SPTBN1: variants seen among roughly 807,000 people sequenced by gnomAD.
SPTBN1 encodes spectrin beta chain, non-erythrocytic 1.
A neutral mutation model predicts 266.4 loss-of-function variants in SPTBN1; 32 were observed. That is an observed-to-expected ratio of 0.12 (90% CI 0.09 to 0.16). The LOEUF (loss-of-function observed/expected upper bound fraction) is 0.16. SPTBN1 is among the 10% of genes least tolerant of loss of function. The pLI, the probability that SPTBN1 is intolerant of heterozygous loss-of-function variation, is 1.00. For missense variants in SPTBN1, 2,296 were observed against 3,067.1 expected, an observed-to-expected ratio of 0.75 and a Z score of 5.94; for synonymous variants, 1,336 against 1,162.2, an observed-to-expected ratio of 1.15 and a Z score of -3.04.
At chr2:54,663,205 C>G (rs1681167304) in intron 32 of SPTBN1, 1 of 152,182 alleles carries the variant, frequency 6.6e-6, no homozygotes, top group Non-Finnish European at 1.5e-5. Flanking sequence ...ATGGTGGTGG[C>G]CAGTCTACCG....
intron 32 of SPTBN1, chr2:54,661,408 C>G (rs1464947989): frequency 1.0e-6 from 1 of 985,752 alleles, no homozygotes. Context: ...TGAGTTAAGT[C>G]TGATTTGTCT....
At chr2:54,591,863 C>G (rs1264126560) in intron 2 of SPTBN1, among the ~76,000 whole-genome samples, 1 of 152,180 alleles carries the variant, frequency 6.6e-6, no homozygotes, top group Non-Finnish European at 1.5e-5. Flanking sequence ...TCAGTTATAG[C>G]AAATTCTCTA....
Position 54,533,349 on chromosome 2 carries a change from AGTGTGTGT to A in SPTBN1, c.148+6822_148+6829del, listed in dbSNP as rs56027497. 0.033 allele frequency among the ~76,000 whole-genome samples: 4,747 copies of A among 141,914 alleles called. 145 individuals are homozygous for A. Among genetic ancestry groups the A allele is most frequent in the African/African-American group, 0.087 (3,272 of 37,780 alleles). The allele number at this position is 141,914 out of a possible 152,430, so 93.1% of individuals were successfully genotyped here. On this transcript the variant is annotated intron_variant, in intron 2 of 35. Coordinates refer to ENST00000356805, the MANE Select transcript of SPTBN1 (RefSeq NM_003128.3). The surrounding 1 kb of genome is among the most constrained non-coding windows in gnomAD (Gnocchi z 4.2). ...AGTGAAACCCAGGCTAAAGGGGACT[AGTGTGTGT>A]GTGTGTGTGTGTGTGTGTGTGTGTG...
chr2:54,585,418 T>C (rs1404582055), intron 2 of SPTBN1, among the ~76,000 whole-genome samples: 1 of 127,948 alleles, frequency 7.8e-6, no homozygotes, highest in Non-Finnish European at 1.6e-5. Context: ...CTCCAGTTTT[T>C]CTGTCCTCCT....
At chr2:54,510,351 A>T (rs1170018123) in intron 1 of SPTBN1, among the ~76,000 whole-genome samples, 3 of 152,196 alleles carry the variant, frequency 2.0e-5, no homozygotes, top group Non-Finnish European at 4.4e-5. Context: ...CTGTCTCCGA[A>T]TACAATCACA....
At chr2:54,566,092 T>C (rs1449955715) in intron 2 of SPTBN1, among the ~76,000 whole-genome samples, 2 of 152,174 alleles carry the variant, frequency 1.3e-5, no homozygotes, top group Non-Finnish European at 1.5e-5. Flanking sequence ...TTTTCTCTCT[T>C]GACAACTTTC....
Position 54,480,873 on chromosome 2 carries a change from T to C in SPTBN1, c.-48+24355T>C, listed in dbSNP as rs139314739. Among the ~76,000 whole-genome samples the C allele has an allele frequency of 4.6e-5, 7 of 152,356 alleles. No homozygotes were observed. In the East Asian group the frequency reaches 1.3e-3, roughly 29 times the overall value. On this transcript the variant is annotated intron_variant, in intron 1 of 35. Coordinates refer to ENST00000356805, the MANE Select transcript of SPTBN1 (RefSeq NM_003128.3). ...GAGTCCATTAGTTAAGGTGACTTAT[T>C]GAAGCCCTGGCCAGCTCTAGGAGTT...
At chr2:54,478,190 G>A (rs1667935091) in intron 1 of SPTBN1, among the ~76,000 whole-genome samples, 1 of 152,096 alleles carries the variant, frequency 6.6e-6, no homozygotes, top group Non-Finnish European at 1.5e-5. Context: ...CCTGGTCCCA[G>A]GGCCCTTGTC....
intron 1 of SPTBN1, among the ~76,000 whole-genome samples, chr2:54,488,757 AT>A (rs1368522846): frequency 6.6e-5 from 10 of 151,866 alleles, no homozygotes; most frequent in African/African-American, 2.4e-4. Context: ...GGGAAAAAAA[AT>A]AACAGAATTT....
chr2:54,522,697 G>GAAAGAAAGAA (rs1484752073), intron 1 of SPTBN1, among the ~76,000 whole-genome samples: 1 of 97,328 alleles, frequency 1.0e-5, no homozygotes, highest in African/African-American at 4.1e-5. Flanking sequence ...GAGAGAGAGA[G>GAAAGAAAGAA]AGAAAGAAAG....
chr2:54,529,318 A>C, intron 2 of SPTBN1: 1 of 524,262 alleles, frequency 1.9e-6, no homozygotes, highest in Non-Finnish European at 3.5e-6. Flanking sequence ...AGTTACCTCA[A>C]AGATACACTT....
At chr2:54,506,826 G>T (rs1301699272) in intron 1 of SPTBN1, among the ~76,000 whole-genome samples, 1 of 151,556 alleles carries the variant, frequency 6.6e-6, no homozygotes, top group Non-Finnish European at 1.5e-5. Context: ...GAGGCCCTGG[G>T]CTGGGACTAG....
At chr2:54,557,171 C>G (rs1198640881) in intron 2 of SPTBN1, among the ~76,000 whole-genome samples, 1 of 152,182 alleles carries the variant, frequency 6.6e-6, no homozygotes, top group Non-Finnish European at 1.5e-5. Context: ...GAGCAGTTAG[C>G]TAGGCTCTGG....
chr2:54,549,501 T>C (rs1422548738), intron 2 of SPTBN1, among the ~76,000 whole-genome samples: 1 of 152,224 alleles, frequency 6.6e-6, no homozygotes, highest in Non-Finnish European at 1.5e-5. Flanking sequence ...GAATGGCTCA[T>C]GGTCACATAG....
chr2:54,497,201 T>C (rs1669013955), intron 1 of SPTBN1, among the ~76,000 whole-genome samples: 1 of 152,196 alleles, frequency 6.6e-6, no homozygotes, highest in African/African-American at 2.4e-5. Context: ...AGGAACTGTC[T>C]TGGGTTCTCT....
At chr2:54,661,345 C>T (rs1681030752) in intron 32 of SPTBN1, 1 of 985,704 alleles carries the variant, frequency 1.0e-6, no homozygotes, top group Non-Finnish European at 1.2e-6. Context: ...GCTCTTTTGC[C>T]ATATTTAGAT....
At chr2:54,532,615 C>G (rs17343918) in intron 2 of SPTBN1, among the ~76,000 whole-genome samples, 5,593 of 152,270 alleles carry the variant, frequency 0.037, 151 homozygotes, top group Admixed American at 0.089. Flanking sequence ...TGTTAACTAG[C>G]ACAGTGAAGT....
intron 2 of SPTBN1, among the ~76,000 whole-genome samples, chr2:54,570,027 G>A (rs1006259537): frequency 1.4e-5 from 2 of 146,630 alleles, no homozygotes; most frequent in Non-Finnish European, 3.0e-5. Flanking sequence ...GGTGACTTTT[G>A]ATGTAGTTTG....
rs774879476 is a variant in SPTBN1 at position 54,621,469 on chromosome 2, C to T, written c.833C>T (p.Ser278Phe). The T allele has an allele frequency of 6.2e-7, 1 of 1,614,102 alleles. No homozygotes were observed. Among genetic ancestry groups the T allele is most frequent in the South Asian group, 1.1e-5 (1 of 91,078 alleles). Reference protein sequence around the residue: ...TYVVTYYHYFSKMKALAVEGK... With the variant: ...TYVVTYYHYFFKMKALAVEGK... ...GTGGTGACTTATTACCACTACTTCT[C>T]TAAGATGAAGGCCTTAGCTGTTGAA... Residue 278 changes from serine to phenylalanine, a missense_variant, in exon 8 of 36, where the codon TCT (serine) becomes TTT (phenylalanine). Coordinates refer to ENST00000356805, the MANE Select transcript of SPTBN1 (RefSeq NM_003128.3).
Sources: allele counts gnomAD v4.1 joint callset (sites outside exome capture counted in the v4.1 genomes callset), GRCh38; gene constraint gnomAD v4.1.1; non-coding constraint Gnocchi (gnomAD v3.1); transcripts MANE v1.5; gene names NCBI Gene and HGNC (gene_info 2026-07-23, HGNC 2026-07-21).